Variants in AFAP1L2 observed in about 807,000 individuals in gnomAD.
AFAP1L2 encodes the protein actin filament-associated protein 1-like 2.
In AFAP1L2, 46 loss-of-function variants were observed where a neutral mutation model predicts 99.3. The ratio of observed to expected loss-of-function variants is 0.46; its 90% CI spans 0.37 to 0.59. AFAP1L2 has a LOEUF of 0.59. AFAP1L2 is among the 20% of genes least tolerant of loss of function. The pLI is 0.00. For synonymous variants in AFAP1L2, 397 were observed against 419.1 expected (o/e 0.95, Z 0.64); for missense variants, 959 against 1,034.9 (o/e 0.93, Z 1.01).
Position 114,331,854 on chromosome 10 carries a change from C to A in AFAP1L2, c.264G>T (p.Gln88His). 7.2e-7 allele frequency: 1 copy of A among 1,383,220 alleles called. No individual in the cohort carries two copies. The highest frequency in any genetic ancestry group is 3.0e-5 in the East Asian group (1 of 33,242). 85.7% of individuals were successfully genotyped at this position (1,383,220 alleles called of 1,614,324 possible). A position where few individuals can be genotyped will look rare whatever the true frequency, so the allele number is the denominator to read the frequency against. ...QGLLPNGEPS[Q>H]HSSAPQKSLP... ...GGCTCTTCTGAGGGGCCGAGGAGTG[C>A]TGGCTGGGCTCCCCATTGGGTAGCA... Residue 88 changes from glutamine (Q) to histidine (H), a missense_variant, in exon 4 of 19, where the codon CAG (glutamine) becomes CAT (histidine). Gln to His is a conservative substitution (Grantham distance 24). Around this residue, in one of 2 missense-constraint regions of AFAP1L2, gnomAD observed 383 missense variants for 472.8 expected, o/e 0.81. Coordinates refer to ENST00000304129, the MANE Select transcript of AFAP1L2 (RefSeq NM_001001936.3).
chr10:114,357,286 C>T lies in AFAP1L2; in HGVS notation c.17-16555G>A, dbSNP rs543447491. ...ATGCTCCTTGCTATAATTTCTCCAA[C>T]ACTGTGGCCTCCAACTTCAAACACC... is the stretch of plus-strand genomic sequence containing the variant. On this transcript the variant is annotated intron_variant, in intron 1 of 18. Transcript: ENST00000304129. 2.1e-3 allele frequency among the ~76,000 whole-genome samples: 321 copies of T among 152,350 alleles called. 2 individuals carry two copies. Among genetic ancestry groups the T allele is most frequent in the African/African-American group, 7.5e-3 (311 of 41,580 alleles).
intron 3 of AFAP1L2, among the ~76,000 whole-genome samples, chr10:114,332,626 C>T (rs188094382): frequency 9.3e-4 from 142 of 152,348 alleles, no homozygotes; most frequent in Non-Finnish European, 1.7e-3. Context: ...GCGTCTTCTG[C>T]AACTAGGCAG....
intron 5 of AFAP1L2, among the ~76,000 whole-genome samples, chr10:114,319,922 G>A (rs1395495095): frequency 2.0e-5 from 3 of 152,306 alleles, no homozygotes; most frequent in South Asian, 2.1e-4. Context: ...AGTGATGTGC[G>A]TGACTTCCGG....
chr10:114,358,713 G>A (rs955614276), intron 1 of AFAP1L2, among the ~76,000 whole-genome samples: 3 of 152,066 alleles, frequency 2.0e-5, no homozygotes, highest in African/African-American at 7.2e-5. Context: ...TCAGGAGTTC[G>A]AGACCAGCCT....
At chr10:114,330,142 G>C (rs571885427) in intron 4 of AFAP1L2, among the ~76,000 whole-genome samples, 86 of 152,154 alleles carry the variant, frequency 5.7e-4, no homozygotes, top group Non-Finnish European at 1.0e-3. Context: ...ACTGTCCCAG[G>C]TTCTCCAGAA....
rs2058541560 is a variant in AFAP1L2, at chr10:114,404,470, G to A, written c.-15C>T. ...TACCGCTCCATCGGGGCCACGGAGT[G>A]CGCTCCTCGCGGCTCGGCTTCTGCG... On this transcript the variant is annotated 5_prime_UTR_variant, in exon 1 of 19. Coordinates refer to ENST00000304129, the MANE Select transcript of AFAP1L2 (RefSeq NM_001001936.3). The A allele has an allele frequency of 6.5e-7, 1 of 1,537,498 alleles. No individual in the cohort carries two copies. Among genetic ancestry groups the A allele is most frequent in the South Asian group, 1.2e-5 (1 of 83,754 alleles).
the AFAP1L2 span, chr10:114,284,829 G>A: frequency 1.9e-6 from 3 of 1,571,348 alleles, no homozygotes; most frequent in South Asian, 1.2e-5. Flanking sequence ...TCTGTGCTGC[G>A]GTGCTTAGCG....
intron 6 of AFAP1L2, among the ~76,000 whole-genome samples, chr10:114,314,852 A>T (rs551083889): frequency 6.6e-6 from 1 of 152,332 alleles, no homozygotes; most frequent in East Asian, 1.9e-4. Flanking sequence ...AGATAAAAAC[A>T]GTAGCCAGGG....
chr10:114,327,625 G>T (rs1346083572), intron 4 of AFAP1L2, among the ~76,000 whole-genome samples: 1 of 152,114 alleles, frequency 6.6e-6, no homozygotes, highest in Non-Finnish European at 1.5e-5. Flanking sequence ...GTGGCCACTC[G>T]GGACCTCTGT....
intron 7 of AFAP1L2, among the ~76,000 whole-genome samples, chr10:114,312,124 G>A (rs1258824034): frequency 6.6e-6 from 1 of 152,142 alleles, no homozygotes; most frequent in East Asian, 1.9e-4. Context: ...GGGGCCAGGG[G>A]CCTCAGGAAG....
At chr10:114,315,508 CCCTT>C in intron 6 of AFAP1L2, 48 bp downstream of exon 6, 1 of 1,462,642 alleles carries the variant, frequency 6.8e-7, no homozygotes, top group South Asian at 1.2e-5. Context: ...CTGTCCCTGC[CCCTT>C]CCCCAAGGAG....
rs1273810264 is a variant in AFAP1L2, at chr10:114,295,016, T to A, written c.*1026A>T. ...ATAGATGAAATGTTTCAACCTGTGT[T>A]AAAAAAAAAAAAAAAAAAATGCCAT... On this transcript the variant is annotated 3_prime_UTR_variant, in exon 19 of 19. Transcript: ENST00000304129. 5 of 884,458 alleles carry A rather than the reference T, an allele frequency of 5.7e-6. No homozygotes were observed. The highest frequency in any genetic ancestry group is 1.1e-4 in the South Asian group (2 of 18,958). The allele number at this position is 884,458 out of a possible 1,614,324, so 54.8% of individuals were successfully genotyped here.
At position 114,300,553 on chromosome 10, in the gene AFAP1L2, C is replaced by T. The variant is rs367606214; in HGVS notation, c.1680G>A (p.Pro560=). The T allele has an allele frequency of 3.2e-5, 52 of 1,613,994 alleles. No individual in the cohort carries two copies. The highest frequency in any genetic ancestry group is 4.1e-5 in the Non-Finnish European group (48 of 1,180,014). ...TTGCATTGTCCAGGCAGGACAACGTCGGGGAGGAGGCCTGGGCCTGTGCAC... is the reference window on the plus strand; with the variant it reads ...TTGCATTGTCCAGGCAGGACAACGTTGGGGAGGAGGCCTGGGCCTGTGCAC... ...PSSAQAQASS[P]TLSCLDNATE... The change falls in exon 14 of 19, where the codon CCG becomes CCA. Residue 560 remains proline, a synonymous_variant. Transcript: ENST00000304129.
intron 1 of AFAP1L2, among the ~76,000 whole-genome samples, chr10:114,395,071 G>A (rs180721564): frequency 2.1e-4 from 32 of 152,288 alleles, no homozygotes; most frequent in African/African-American, 7.5e-4. Context: ...TGTCAGTCAA[G>A]GACCAGCTGC....
the AFAP1L2 span, chr10:114,282,572 GTA>G: frequency 2.5e-6 from 4 of 1,613,876 alleles, no homozygotes; most frequent in South Asian, 4.4e-5. Flanking sequence ...ACCTGCCCAG[GTA>G]TGGTCTGTCT....
chr10:114,361,016 G>A (rs113060364), intron 1 of AFAP1L2, among the ~76,000 whole-genome samples: 2,364 of 152,298 alleles, frequency 0.016, 56 homozygotes, highest in African/African-American at 0.053. Flanking sequence ...CATGGCTGGG[G>A]AAGCCTCACA....
At chr10:114,322,484 G>T (rs1007842657) in intron 5 of AFAP1L2, among the ~76,000 whole-genome samples, 22 of 152,174 alleles carry the variant, frequency 1.4e-4, no homozygotes, top group Admixed American at 2.6e-4. Flanking sequence ...TGTCTGGAAA[G>T]TTCTTCCTGA....
At position 114,351,752 on chromosome 10, in the gene AFAP1L2, C is replaced by T. The variant is rs76724759; in HGVS notation, c.17-11021G>A. ...GCAGTGCCTCTCACTTGAACTTATG[C>T]GCCCTCTGAACCGGAAGTGCCCTAA... is the stretch of plus-strand genomic sequence containing the variant. On this transcript the variant is annotated intron_variant, in intron 1 of 18. Coordinates refer to ENST00000304129, the MANE Select transcript of AFAP1L2 (RefSeq NM_001001936.3). Among the ~76,000 whole-genome samples, 1,100 of 152,322 alleles carry T rather than the reference C, an allele frequency of 7.2e-3. 19 individuals carry two copies. The highest frequency in any genetic ancestry group is 0.025 in the African/African-American group (1,049 of 41,562).
At chr10:114,371,755 C>T (rs912554579) in intron 1 of AFAP1L2, among the ~76,000 whole-genome samples, 2 of 151,036 alleles carry the variant, frequency 1.3e-5, no homozygotes, top group Non-Finnish European at 2.9e-5. Context: ...CACGTGTATA[C>T]CTATGTAACA....
Sources: gnomAD v4.1 joint callset for allele counts (sites outside exome capture counted in the v4.1 genomes callset) on GRCh38, gnomAD v4.1.1 for gene constraint, gnomAD v4.1.1 regional missense constraint, MANE v1.5 for transcripts, NCBI Gene and HGNC (gene_info 2026-07-23, HGNC 2026-07-21) for gene names.